Variants in OR11H4 observed in about 807,000 individuals in gnomAD.
OR11H4 encodes olfactory receptor 11H4.
For synonymous variants in OR11H4, 162 were observed against 142.3 expected (o/e 1.14, Z -0.98); for missense variants, 460 against 371.1 (o/e 1.24, Z -1.97).
At chr14:20,241,901 C>A (rs1880934130) in intron 1 of OR11H4, among the ~76,000 whole-genome samples, 1 of 152,040 alleles carries the variant, frequency 6.6e-6, no homozygotes, top group Non-Finnish European at 1.5e-5. Context: ...ATATATAGTT[C>A]TCTCCACCCA....
chr14:20,241,729 GT>G (rs973947986), intron 1 of OR11H4, among the ~76,000 whole-genome samples: 7 of 152,086 alleles, frequency 4.6e-5, no homozygotes, highest in Non-Finnish European at 1.0e-4. Context: ...AGTTCCCTCA[GT>G]TTTTATTGAT....
Position 20,243,719 on chromosome 14 carries a change from G to A in OR11H4, c.898G>A (p.Ala300Thr), listed in dbSNP as rs763601774. Residue 300 changes from alanine (A) to threonine (T), a missense_variant, in exon 2 of 2, where the codon GCT becomes ACT. Coordinates refer to ENST00000641082, the MANE Select transcript of OR11H4 (RefSeq NM_001004479.2). ...YTLRNKDMKL[A>T]LRNVLFGMRI... ...TCTTCGTAATAAGGACATGAAACTC[G>A]CTCTGAGAAATGTCCTGTTTGGAAT... 1.7e-5 allele frequency: 27 copies of A among 1,599,884 alleles called. No homozygotes were observed. Among genetic ancestry groups the A allele is most frequent in the African/African-American group, 5.4e-5 (4 of 74,204 alleles).
rs1880978419 is a variant in OR11H4, at chr14:20,243,205, C to T, written c.384C>T (p.His128=). The change falls in exon 2 of 2, where the codon CAC becomes CAT. Residue 128 remains histidine, a synonymous_variant. Coordinates refer to ENST00000641082, the MANE Select transcript of OR11H4 (RefSeq NM_001004479.2). ...ATGATCGATACCTGGCCATCTGCCA[C>T]CCACTGCAGTACCCTGCCATCATGA... is the stretch of plus-strand genomic sequence containing the variant. ...MAYDRYLAIC[H]PLQYPAIMTV... is the part of the protein sequence containing the mutation. 1 of 1,613,988 alleles carries T rather than the reference C, an allele frequency of 6.2e-7. No homozygotes were observed. Among genetic ancestry groups the T allele is most frequent in the Non-Finnish European group, 8.5e-7 (1 of 1,179,950 alleles).
At position 20,241,573 on chromosome 14, in the gene OR11H4, C is replaced by G. The variant is rs554599648; in HGVS notation, c.-11-1238C>G. Among the ~76,000 whole-genome samples, 32 of 152,150 alleles carry G rather than the reference C, an allele frequency of 2.1e-4. No individual in the cohort carries two copies. In the East Asian group the frequency reaches 2.3e-3, roughly 11 times the overall value. ...CTAGTGTCTGGAGAGGTGGCCTGCC[C>G]CTCCACACCTGTGGGTATTTCTGGT... On this transcript the variant is annotated intron_variant, in intron 1 of 1. Coordinates refer to ENST00000641082, the MANE Select transcript of OR11H4 (RefSeq NM_001004479.2).
intron 1 of OR11H4, among the ~76,000 whole-genome samples, chr14:20,242,383 G>T (rs914907209): frequency 6.6e-6 from 1 of 152,100 alleles, no homozygotes; most frequent in Non-Finnish European, 1.5e-5. Flanking sequence ...CCTTAAACCT[G>T]GATTTTATAC....
chr14:20,239,782 A>T (rs535628978), intron 1 of OR11H4, among the ~76,000 whole-genome samples: 1 of 152,284 alleles, frequency 6.6e-6, no homozygotes, highest in African/African-American at 2.4e-5. Flanking sequence ...GAGAAACAGT[A>T]TGTTTGTGTC....
intron 1 of OR11H4, among the ~76,000 whole-genome samples, chr14:20,239,669 CG>C (rs1238283607): frequency 2.0e-5 from 3 of 150,740 alleles, no homozygotes; most frequent in Non-Finnish European, 4.4e-5. Context: ...ACTCCAGCCT[CG>C]GCGACAGAGC....
Position 20,241,711 on chromosome 14 carries a change from G to A in OR11H4, c.-11-1100G>A, listed in dbSNP as rs546970102. ...CACACCAAGGACCTGCACCGGCACC[G>A]GCCTCTGAGTTCCCTCAGTTTTTAT... On this transcript the variant is annotated intron_variant, in intron 1 of 1. Coordinates refer to ENST00000641082, the MANE Select transcript of OR11H4 (RefSeq NM_001004479.2). Among the ~76,000 whole-genome samples, 765 of 152,198 alleles carry A rather than the reference G, an allele frequency of 5.0e-3. 8 individuals carry two copies. The highest frequency in any genetic ancestry group is 0.027 in the Middle Eastern group (8 of 294).
intron 1 of OR11H4, among the ~76,000 whole-genome samples, chr14:20,241,836 A>G (rs899943736): frequency 5.3e-5 from 8 of 152,086 alleles, no homozygotes; most frequent in South Asian, 2.1e-4. Flanking sequence ...AGAAGAATCT[A>G]TGTCATAATT....
chr14:20,239,325 A>G lies in OR11H4; in HGVS notation c.-18A>G, dbSNP rs1001646529. 2.0e-5 allele frequency: 3 copies of G among 152,168 alleles called. No individual in the cohort carries two copies. Among genetic ancestry groups the G allele is most frequent in the African/African-American group, 7.2e-5 (3 of 41,394 alleles). The allele number at this position is 152,168 out of a possible 1,614,324, so 9.4% of individuals were successfully genotyped here. On this transcript the variant is annotated 5_prime_UTR_variant, in exon 1 of 2. Coordinates refer to ENST00000641082, the MANE Select transcript of OR11H4 (RefSeq NM_001004479.2). ...GAAGGCTATTAAATCAAGCTATCAC[A>G]CTTATGGTAGGTGGACTGGTGGGTT...
chr14:20,241,860 G>A (rs979010805), intron 1 of OR11H4, among the ~76,000 whole-genome samples: 2 of 152,090 alleles, frequency 1.3e-5, no homozygotes, highest in East Asian at 1.9e-4. Flanking sequence ...TTCAAGGGAA[G>A]GTACTATGCC....
Position 20,243,402 on chromosome 14 carries a change from T to A in OR11H4, c.581T>A (p.Ile194Lys), listed in dbSNP as rs1880985276. ...GCTCTATCCTGTGCCCCAGCTCCCATAACTGAATGTATTTTCTATACTCAG... is the reference window on the plus strand; with the variant it reads ...GCTCTATCCTGTGCCCCAGCTCCCAAAACTGAATGTATTTTCTATACTCAG... The part of the protein sequence containing the change: ...LMALSCAPAP[I>K]TECIFYTQSS... The change falls in exon 2 of 2, where the codon ATA (isoleucine) becomes AAA (lysine). Residue 194 changes from isoleucine to lysine, a missense_variant. Transcript: ENST00000641082. The A allele has an allele frequency of 6.2e-7, 1 of 1,613,964 alleles. No individual in the cohort carries two copies. The highest frequency in any genetic ancestry group is 1.3e-5 in the African/African-American group (1 of 74,926).
chr14:20,243,088 C>G lies in OR11H4; in HGVS notation c.267C>G (p.Thr89=). The change falls in exon 2 of 2, where the codon ACC becomes ACG. Residue 89 remains threonine, a synonymous_variant. Coordinates refer to ENST00000641082, the MANE Select transcript of OR11H4 (RefSeq NM_001004479.2). The part of the protein sequence containing the change: ...PNMLVNILSK[T]KAISFSGCFL... ...TGCTAGTCAACATTCTCTCCAAGAC[C>G]AAGGCCATCTCATTTTCTGGGTGCT... is the stretch of plus-strand genomic sequence containing the variant. 2 of 1,614,090 alleles carry G rather than the reference C, an allele frequency of 1.2e-6. No homozygotes were observed. The highest frequency in any genetic ancestry group is 1.7e-6 in the Non-Finnish European group (2 of 1,180,014).
intron 1 of OR11H4, 143 bp from the exon 2 acceptor site, chr14:20,242,668 A>G (rs1880960616): frequency 1.1e-6 from 1 of 922,318 alleles, no homozygotes; most frequent in Non-Finnish European, 1.6e-6. Context: ...GGTAGGACAT[A>G]TTCCCACCTG....
At position 20,242,920 on chromosome 14, in the gene OR11H4, G is replaced by T. The variant is rs1880967796; in HGVS notation, c.99G>T (p.Val33=). 1 of 1,614,118 alleles carries T rather than the reference G, an allele frequency of 6.2e-7. No homozygotes were observed. The highest frequency in any genetic ancestry group is 2.2e-5 in the East Asian group (1 of 44,880). ...TTTTCCTCTTCTCATTGTTTTTGGT[G>T]ATTTATGTCTTGACCTTGCTGGGAA... ...IQIFLFSLFL[V]IYVLTLLGNG... The change falls in exon 2 of 2, where the codon GTG becomes GTT. Residue 33 remains valine, a synonymous_variant. Transcript: ENST00000641082.
At chr14:20,242,786 A>G in intron 1 of OR11H4, 25 bp from the exon 2 acceptor site, 1 of 1,607,408 alleles carries the variant, frequency 6.2e-7, no homozygotes, top group Non-Finnish European at 8.5e-7. Context: ...GACTTGGATT[A>G]CACTCATGTC....
rs765843613 is a variant in OR11H4, at chr14:20,243,085, G to A, written c.264G>A (p.Lys88=). The A allele has an allele frequency of 2.5e-6, 4 of 1,613,970 alleles. No individual in the cohort carries two copies. The highest frequency in any genetic ancestry group is 2.5e-6 in the Non-Finnish European group (3 of 1,180,028). The change falls in exon 2 of 2, where the codon AAG becomes AAA. Residue 88 remains lysine, a synonymous_variant. Coordinates refer to ENST00000641082, the MANE Select transcript of OR11H4 (RefSeq NM_001004479.2). The part of the protein sequence containing the change: ...IPNMLVNILS[K]TKAISFSGCF... ...ACATGCTAGTCAACATTCTCTCCAAGACCAAGGCCATCTCATTTTCTGGGT... is the reference window on the plus strand; with the variant it reads ...ACATGCTAGTCAACATTCTCTCCAAAACCAAGGCCATCTCATTTTCTGGGT...
rs763120530 is a variant in OR11H4, at chr14:20,243,288, A to C, written c.467A>C (p.Tyr156Ser). 1.2e-6 allele frequency: 2 copies of C among 1,614,012 alleles called. No individual in the cohort carries two copies. Among genetic ancestry groups the C allele is most frequent in the Admixed American group, 3.3e-5 (2 of 59,988 alleles). The change falls in exon 2 of 2, where the codon TAC becomes TCC. Residue 156 changes from tyrosine (Y) to serine (S), a missense_variant. By Grantham distance (144) the Tyr-to-Ser change is moderately radical. Transcript: ENST00000641082. ...TGTTGGCTTATTGGATTCCTTGGATACCCAATTCCCATTTTCTACATCTCC... is the reference window on the plus strand; with the variant it reads ...TGTTGGCTTATTGGATTCCTTGGATCCCCAATTCCCATTTTCTACATCTCC... Reference protein sequence around the residue: ...SFCWLIGFLGYPIPIFYISQL... With the variant: ...SFCWLIGFLGSPIPIFYISQL...
intron 1 of OR11H4, among the ~76,000 whole-genome samples, chr14:20,242,442 A>T (rs1381140245): frequency 6.6e-6 from 1 of 152,186 alleles, no homozygotes. Flanking sequence ...GCTGGGGCAA[A>T]GTGGCTGGGG....
Sources: allele counts gnomAD v4.1 joint callset (sites outside exome capture counted in the v4.1 genomes callset), GRCh38; gene constraint gnomAD v4.1.1; transcripts MANE v1.5; gene names NCBI Gene and HGNC (gene_info 2026-07-23, HGNC 2026-07-21).